NEBL: variants seen among roughly 807,000 people sequenced by gnomAD.
The protein encoded by NEBL is LIM and SH3 protein 2.
NEBL carries 122 observed loss-of-function variants against 140.2 expected under a neutral mutation model. The ratio of observed to expected loss-of-function variants is 0.87; its 90% confidence interval spans 0.75 to 1.01. The LOEUF (loss-of-function observed/expected upper bound fraction) is 1.01, where lower values mean the gene tolerates loss of function less well. Among genes scored for constraint, NEBL ranks in the 50% least tolerant of loss-of-function variants. The pLI, the probability that NEBL is intolerant of heterozygous loss-of-function variation, is 0.00. For synonymous variants in NEBL, 436 were observed against 398.9 expected (o/e 1.09, Z -1.11); for missense variants, 1,365 against 1,231.3 (o/e 1.11, Z -1.62).
chr10:20,993,489 G>A (rs756154560), intron 3 of NEBL, among the ~76,000 whole-genome samples: 2 of 152,150 alleles, frequency 1.3e-5, no homozygotes, highest in South Asian at 2.1e-4. Flanking sequence ...AGGCATTCAC[G>A]CGTCTTGCTC....
chr10:20,966,030 T>G (rs1486177307), intron 3 of NEBL, among the ~76,000 whole-genome samples: 1 of 152,206 alleles, frequency 6.6e-6, no homozygotes, highest in African/African-American at 2.4e-5. Flanking sequence ...CCTTCAAGAC[T>G]GAAGAAAGGC....
intron 1 of NEBL, among the ~76,000 whole-genome samples, chr10:21,281,148 C>T (rs1333089121): frequency 6.6e-6 from 1 of 152,178 alleles, no homozygotes; most frequent in Non-Finnish European, 1.5e-5. Flanking sequence ...GACCTGGAGG[C>T]CTGAGCTGTC....
intron 2 of NEBL, among the ~76,000 whole-genome samples, chr10:21,066,605 T>A (rs971853962): frequency 6.6e-6 from 1 of 152,212 alleles, no homozygotes; most frequent in Non-Finnish European, 1.5e-5. Flanking sequence ...GAATCATTAA[T>A]AATGGAGTTT....
chr10:20,871,631 AC>A (rs1844945840), intron 5 of NEBL, among the ~76,000 whole-genome samples: 1 of 152,156 alleles, frequency 6.6e-6, no homozygotes, highest in East Asian at 1.9e-4. Flanking sequence ...AATCTGTCTG[AC>A]AAGTGAACAC....
intron 2 of NEBL, among the ~76,000 whole-genome samples, chr10:21,052,268 A>G (rs895424870): frequency 9.2e-5 from 14 of 152,222 alleles, no homozygotes; most frequent in Middle Eastern, 3.2e-3. Context: ...TTCATGAGTC[A>G]ACACTGGGAA....
rs978688142 is a variant in NEBL, at chr10:20,974,640, G to A, written c.250-12861C>T. 2.6e-5 allele frequency among the ~76,000 whole-genome samples: 4 copies of A among 152,130 alleles called. No homozygotes were observed. In the South Asian group the frequency reaches 6.2e-4, roughly 24 times the overall value. On this transcript the variant is annotated intron_variant, in intron 3 of 6. Coordinates refer to the NEBL transcript ENST00000417816. ...CAAGATCTGAAATAATTTTTAAATT[G>A]TTCTTACATGTTACATACATTAGCC...
intron 3 of NEBL, among the ~76,000 whole-genome samples, chr10:21,244,148 C>A (rs1040356777): frequency 1.3e-5 from 2 of 151,966 alleles, no homozygotes; most frequent in Non-Finnish European, 2.9e-5. Flanking sequence ...TTGAATGTCA[C>A]AACTTTCCAC....
At chr10:21,002,617 G>A (rs115384345) in intron 3 of NEBL, among the ~76,000 whole-genome samples, 4 of 152,256 alleles carry the variant, frequency 2.6e-5, no homozygotes, top group African/African-American at 7.2e-5. Flanking sequence ...TGGATGGAGA[G>A]GTCTCAGGAA....
intron 3 of NEBL, among the ~76,000 whole-genome samples, chr10:21,240,377 C>T (rs1457100055): frequency 6.6e-6 from 1 of 152,182 alleles, no homozygotes; most frequent in Non-Finnish European, 1.5e-5. Context: ...GGAGCAGTGG[C>T]TCACGCCTGT....
chr10:20,880,346 C>T (rs894366847), intron 5 of NEBL, among the ~76,000 whole-genome samples: 13 of 152,098 alleles, frequency 8.5e-5, no homozygotes, highest in African/African-American at 3.1e-4. Flanking sequence ...GGTGACAGAG[C>T]GAGGCTCTGT....
chr10:21,092,407 A>G (rs1177404846), intron 2 of NEBL, among the ~76,000 whole-genome samples: 3 of 152,156 alleles, frequency 2.0e-5, no homozygotes, highest in Admixed American at 1.3e-4. Flanking sequence ...GTTTTTTACT[A>G]TGTTCCTCTA....
chr10:21,105,334 C>G (rs1164309856), intron 2 of NEBL, among the ~76,000 whole-genome samples: 4 of 151,998 alleles, frequency 2.6e-5, no homozygotes, highest in African/African-American at 9.7e-5. Flanking sequence ...TATCCCTCCC[C>G]CAGTCCCCTA....
chr10:20,935,949 C>T (rs1438298854), intron 4 of NEBL, among the ~76,000 whole-genome samples: 7 of 152,064 alleles, frequency 4.6e-5, no homozygotes, highest in Non-Finnish European at 1.0e-4. Context: ...ATATCTAAAA[C>T]TGTAAGGGAT....
chr10:20,926,327 T>C (rs924987478), intron 4 of NEBL, among the ~76,000 whole-genome samples: 5 of 152,204 alleles, frequency 3.3e-5, no homozygotes, highest in African/African-American at 1.2e-4. Flanking sequence ...TGGGATTCTT[T>C]TGCAATCCTT....
chr10:20,845,471 T>A, intron 11 of NEBL, 103 bp from the exon 12 acceptor site: 2 of 735,770 alleles, frequency 2.7e-6, no homozygotes. Flanking sequence ...TTTTCTTAGG[T>A]AGTTCTACCA....
At chr10:20,900,681 A>G (rs1847825996), upstream of NEBL, among the ~76,000 whole-genome samples, 1 of 151,166 alleles carries the variant, frequency 6.6e-6, no homozygotes, top group Non-Finnish European at 1.5e-5. Context: ...AAAAAAAAAA[A>G]AAATTAGCCG....
chr10:20,854,570 T>C, intron 9 of NEBL, among the ~76,000 whole-genome samples: 1 of 147,322 alleles, frequency 6.8e-6, no homozygotes, highest in Non-Finnish European at 1.5e-5. Context: ...ACTTTTTTTT[T>C]TTTTTTTTTT....
intron 1 of NEBL, among the ~76,000 whole-genome samples, chr10:21,255,267 G>C (rs1356399542): frequency 2.0e-5 from 3 of 152,052 alleles, no homozygotes; most frequent in Non-Finnish European, 2.9e-5. Flanking sequence ...ATGAGAAGCA[G>C]CTGAGTGTAT....
chr10:21,052,572 C>T (rs1331727247), intron 2 of NEBL, among the ~76,000 whole-genome samples: 2 of 152,260 alleles, frequency 1.3e-5, no homozygotes, highest in East Asian at 3.9e-4. Flanking sequence ...TGACTGTCAC[C>T]GATTGGTCAG....
Sources: gnomAD v4.1 joint callset for allele counts (sites outside exome capture counted in the v4.1 genomes callset) on GRCh38, gnomAD v4.1.1 for gene constraint, MANE v1.5 for transcripts, NCBI Gene and HGNC (gene_info 2026-07-23, HGNC 2026-07-21) for gene names.